The following RUNX1 variants were observed in gnomAD, a reference collection of about 807,000 sequenced individuals.
RUNX1 encodes RUNX family transcription factor 1.
RUNX1 carries 19 observed loss-of-function variants against 42.8 expected under a neutral mutation model. The ratio of observed to expected loss-of-function variants is 0.44; its 90% CI spans 0.31 to 0.65. The LOEUF (loss-of-function observed/expected upper bound fraction) is 0.65. Ranked by LOEUF, RUNX1 falls within the 30% of genes least tolerant of loss-of-function variation. RUNX1 has a pLI of 0.07. For missense variants in RUNX1, 528 were observed against 672.0 expected, an observed-to-expected ratio of 0.79 and a Z score of 2.37; for synonymous variants, 271 against 289.4, an observed-to-expected ratio of 0.94 and a Z score of 0.64.
rs116656759 is a variant in RUNX1 at position 34,963,185 on chromosome 21, G to A, written c.59-70222C>T. ...AACGCCCACGAAGAACCTAGGGTGC[G>A]AAGGAGCACACTCTTTGGTTTCCAA... On this transcript the variant is annotated intron_variant, in intron 2 of 8. Transcript: ENST00000675419. Among the ~76,000 whole-genome samples, 395 of 152,216 alleles carry A rather than the reference G, an allele frequency of 2.6e-3. 1 individual carries two copies. Among genetic ancestry groups the A allele is most frequent in the African/African-American group, 9.0e-3 (372 of 41,536 alleles).
chr21:34,802,593 C>T (rs1255804022), intron 7 of RUNX1, among the ~76,000 whole-genome samples: 1 of 152,200 alleles, frequency 6.6e-6, no homozygotes, highest in East Asian at 1.9e-4. Context: ...TGGAAGGTTC[C>T]TGCCTTCTGG....
intron 4 of RUNX1, among the ~76,000 whole-genome samples, chr21:34,882,644 A>C (rs2146377154): frequency 6.6e-6 from 1 of 151,482 alleles, no homozygotes; most frequent in East Asian, 1.9e-4. Context: ...TTAAAAAGAT[A>C]TCACGGAAAT....
chr21:34,859,590 C>T lies in RUNX1; in HGVS notation c.509-12G>A, dbSNP rs200727741. The T allele has an allele frequency of 2.8e-5, 45 of 1,597,896 alleles. No individual in the cohort carries two copies. The highest frequency in any genetic ancestry group is 1.3e-4 in the East Asian group (6 of 44,800). On this transcript the variant is annotated splice_polypyrimidine_tract_variant and intron_variant, in intron 5 of 8. Transcript: ENST00000675419. ...AGTGAAGCTTTTCCCTGTGGGGACACGATAGAGAACAAAACAGAATGAGGT... is the reference window on the plus strand; with the variant it reads ...AGTGAAGCTTTTCCCTGTGGGGACATGATAGAGAACAAAACAGAATGAGGT...
chr21:35,032,575 A>G (rs895266338), intron 2 of RUNX1, among the ~76,000 whole-genome samples: 11 of 152,200 alleles, frequency 7.2e-5, no homozygotes, highest in African/African-American at 2.7e-4. Context: ...CAGGTATTCA[A>G]TTTAAAGCCT....
chr21:34,986,937 G>A (rs2058892204), intron 2 of RUNX1, among the ~76,000 whole-genome samples: 1 of 152,162 alleles, frequency 6.6e-6, no homozygotes, highest in Non-Finnish European at 1.5e-5. Flanking sequence ...TGACTAGCTG[G>A]GAAGTTTCTC....
intron 2 of RUNX1, among the ~76,000 whole-genome samples, chr21:34,998,021 C>G (rs1376833401): frequency 6.6e-6 from 1 of 152,208 alleles, no homozygotes; most frequent in African/African-American, 2.4e-5. Flanking sequence ...CCTCCCCCAT[C>G]TCCCTTGCCT....
intron 5 of RUNX1, among the ~76,000 whole-genome samples, chr21:34,873,605 A>C (rs2284617): frequency 0.24 from 36,793 of 152,154 alleles, 4,672 homozygotes; most frequent in African/African-American, 0.3. Flanking sequence ...TGAGCCTCTC[A>C]AAGGAAGTTG....
intron 3 of RUNX1, chr21:34,887,460 T>G: frequency 7.8e-7 from 1 of 1,277,912 alleles, no homozygotes; most frequent in Non-Finnish European, 9.9e-7. Context: ...GAAGGCAAAA[T>G]TCTCATACAC....
intron 2 of RUNX1, among the ~76,000 whole-genome samples, chr21:34,992,957 C>T (rs977021113): frequency 6.6e-6 from 1 of 152,196 alleles, no homozygotes; most frequent in South Asian, 2.1e-4. Context: ...GGGAGGGGAG[C>T]GGAGACTCCC....
intron 7 of RUNX1, among the ~76,000 whole-genome samples, chr21:34,800,056 T>C (rs992180405): frequency 5.9e-5 from 9 of 152,182 alleles, no homozygotes; most frequent in African/African-American, 2.2e-4. Context: ...AATGACTAGT[T>C]CACAAACCCA....
Position 34,859,593 on chromosome 21 carries a change from T to TA in RUNX1, c.509-16dup. On this transcript the variant is annotated splice_polypyrimidine_tract_variant and intron_variant, in intron 5 of 8. Transcript: ENST00000675419. The stretch of plus-strand genomic sequence containing the variant: ...GAAGCTTTTCCCTGTGGGGACACGA[T>TA]AGAGAACAAAACAGAATGAGGTTGG... The TA allele has an allele frequency of 1.3e-6, 2 of 1,596,876 alleles. No individual in the cohort carries two copies. The highest frequency in any genetic ancestry group is 2.2e-5 in the South Asian group (2 of 90,726).
At chr21:34,990,435 A>G (rs2058927902) in intron 2 of RUNX1, among the ~76,000 whole-genome samples, 2 of 152,260 alleles carry the variant, frequency 1.3e-5, no homozygotes, top group South Asian at 4.1e-4. Flanking sequence ...GCTAAAAAGA[A>G]ACAGTGATGG....
chr21:34,847,847 A>G (rs1191847029), intron 6 of RUNX1, among the ~76,000 whole-genome samples: 1 of 152,258 alleles, frequency 6.6e-6, no homozygotes, highest in African/African-American at 2.4e-5. Flanking sequence ...TGGAATTAAT[A>G]ATAGGTAGTA....
At chr21:34,920,101 T>A (rs191674442) in intron 2 of RUNX1, among the ~76,000 whole-genome samples, 37 of 152,256 alleles carry the variant, frequency 2.4e-4, no homozygotes, top group African/African-American at 6.5e-4. Context: ...ATAACCATCA[T>A]CAAGGAAAAA....
At chr21:35,020,900 T>C (rs1044550184) in intron 2 of RUNX1, among the ~76,000 whole-genome samples, 2 of 152,206 alleles carry the variant, frequency 1.3e-5, no homozygotes, top group Admixed American at 1.3e-4. Flanking sequence ...ACCTAAGTCC[T>C]TGTCAGTAGC....
intron 2 of RUNX1, among the ~76,000 whole-genome samples, chr21:35,011,675 T>TTTCA (rs1364087414): frequency 1.2e-4 from 19 of 152,184 alleles, no homozygotes; most frequent in African/African-American, 4.6e-4. Context: ...CCCATCCATG[T>TTTCA]TTCATCACTT....
chr21:34,835,749 T>G (rs2057136761), intron 6 of RUNX1, among the ~76,000 whole-genome samples: 1 of 152,188 alleles, frequency 6.6e-6, no homozygotes, highest in South Asian at 2.1e-4. Flanking sequence ...TATTGCCAAA[T>G]GTCCCCAAAG....
chr21:34,908,188 A>T (rs1371109499), intron 2 of RUNX1, among the ~76,000 whole-genome samples: 1 of 152,206 alleles, frequency 6.6e-6, no homozygotes, highest in Admixed American at 6.5e-5. Context: ...GCCCCAAAAA[A>T]GTCATTCGAA....
intron 8 of RUNX1, 43 bp downstream of exon 8, chr21:34,799,258 C>T (rs749757443): frequency 1.2e-6 from 2 of 1,610,370 alleles, no homozygotes; most frequent in South Asian, 1.1e-5. Context: ...CTGGACCTTC[C>T]ACCCCAGCTC....
Sources: allele counts gnomAD v4.1 joint callset (sites outside exome capture counted in the v4.1 genomes callset), GRCh38; gene constraint gnomAD v4.1.1; transcripts MANE v1.5; gene names NCBI Gene and HGNC (gene_info 2026-07-23, HGNC 2026-07-21).